Variants in PDZD2 observed in about 807,000 individuals in gnomAD.
PDZD2 encodes the protein PDZ domain containing 2.
Under a neutral mutation model 220.7 loss-of-function variants are expected in PDZD2, and 90 were observed. The observed-to-expected ratio is 0.41, with a 90% CI of 0.34 to 0.49. PDZD2 has a LOEUF of 0.49. Ranked by LOEUF, PDZD2 falls within the 20% of genes least tolerant of loss-of-function variation. The probability of loss-of-function intolerance (pLI) is 0.28; values close to 1 mark genes in which losing one functional copy is unlikely to be tolerated. For missense variants in PDZD2, 3,174 were observed against 3,608.5 expected (o/e 0.88, Z 3.08); for synonymous variants, 1,375 against 1,450.5 (o/e 0.95, Z 1.18).
intron 2 of PDZD2, among the ~76,000 whole-genome samples, chr5:31,949,976 C>T (rs896791782): frequency 6.6e-6 from 1 of 152,080 alleles, no homozygotes; most frequent in African/African-American, 2.4e-5. Context: ...GCCACCATGC[C>T]CGGCTGCCAT....
intron 1 of PDZD2, among the ~76,000 whole-genome samples, chr5:31,765,079 GAAA>G (rs4049928): frequency 2.7e-4 from 40 of 148,912 alleles, no homozygotes; most frequent in South Asian, 1.5e-3. Flanking sequence ...TGCGTCTCAA[GAAA>G]AAAAAAAAAA....
In PDZD2 at chr5:32,089,830, A is replaced by T. The variant is rs1246084335; in HGVS notation, c.6382A>T (p.Ser2128Cys). Residue 2128 changes from serine (S) to cysteine (C), a missense_variant, in exon 20 of 25, where the codon AGT (serine) becomes TGT (cysteine). By Grantham distance (112) the Ser-to-Cys change is moderately radical (BLOSUM62 -1). Transcript: ENST00000438447. ...CLAQGNCQEK[S>C]EIRLYRQVAE... is the part of the protein sequence containing the mutation. ...GGCCCAGGGCAACTGTCAGGAGAAG[A>T]GTGAAATCAGGCTCTATCGCCAGGT... 1.1e-5 allele frequency: 17 copies of T among 1,613,702 alleles called. No homozygotes were observed. The Admixed American group carries it at 1.2e-4, about 11-fold the overall frequency.
rs1347483512 is a variant in PDZD2, at chr5:32,000,528, G to A, written c.1254+257G>A. Reference sequence around the variant, plus strand: ...TTTTGTTTTTGTTTTTGTTTTTTTTGAGACGGAGTTTCACTCTTGTTGCCT... The same window carrying A: ...TTTTGTTTTTGTTTTTGTTTTTTTTAAGACGGAGTTTCACTCTTGTTGCCT... On this transcript the variant is annotated intron_variant, in intron 5 of 24. Coordinates refer to ENST00000438447, the MANE Select transcript of PDZD2 (RefSeq NM_178140.4). This position sits in a 1 kb window ranked among gnomAD's most constrained non-coding sequence, Gnocchi z 4.5. 6.9e-6 allele frequency among the ~76,000 whole-genome samples: 1 copy of A among 145,928 alleles called. No homozygotes were observed. The highest frequency in any genetic ancestry group is 1.5e-5 in the Non-Finnish European group (1 of 67,592).
intron 1 of PDZD2, among the ~76,000 whole-genome samples, chr5:31,669,255 A>T (rs1214964192): frequency 1.3e-5 from 2 of 152,124 alleles, no homozygotes; most frequent in Admixed American, 1.3e-4. Context: ...TTTAAAAATT[A>T]GGCAGGGGTA....
intron 6 of PDZD2, among the ~76,000 whole-genome samples, chr5:32,015,134 G>A (rs1753690189): frequency 6.6e-6 from 1 of 151,646 alleles, no homozygotes; most frequent in Non-Finnish European, 1.5e-5. Flanking sequence ...TAGAGATAGG[G>A]TTTCACCATG....
intron 2 of PDZD2, among the ~76,000 whole-genome samples, chr5:31,975,917 C>T (rs1254430978): frequency 6.6e-6 from 1 of 150,548 alleles, no homozygotes; most frequent in Non-Finnish European, 1.5e-5. Flanking sequence ...GATCTTCCCG[C>T]CTCAGGCTCC....
intron 1 of PDZD2, among the ~76,000 whole-genome samples, chr5:31,655,027 T>A (rs1215190053): frequency 6.6e-6 from 1 of 152,184 alleles, no homozygotes; most frequent in Non-Finnish European, 1.5e-5. Flanking sequence ...TCTTCCTTCA[T>A]GTAGCAGACT....
intron 19 of PDZD2, among the ~76,000 whole-genome samples, chr5:32,081,557 C>T (rs1188399576): frequency 6.6e-6 from 1 of 152,102 alleles, no homozygotes; most frequent in African/African-American, 2.4e-5. Context: ...GAGCTTCTGT[C>T]TCCTTTTGTT....
chr5:31,844,946 G>A (rs1170097749), intron 2 of PDZD2, among the ~76,000 whole-genome samples: 1 of 152,126 alleles, frequency 6.6e-6, no homozygotes, highest in Admixed American at 6.5e-5. Context: ...GTGGGAACAA[G>A]TTTCTTTAAA....
chr5:32,047,141 A>G (rs1280699199), intron 7 of PDZD2, among the ~76,000 whole-genome samples: 1 of 152,248 alleles, frequency 6.6e-6, no homozygotes, highest in Non-Finnish European at 1.5e-5. Context: ...AGACTTGTTC[A>G]GGCACTTTAC....
chr5:31,961,895 C>A (rs112237589), intron 2 of PDZD2, among the ~76,000 whole-genome samples: 15,291 of 150,550 alleles, frequency 0.1, 841 homozygotes, highest in Middle Eastern at 0.13. Flanking sequence ...GGATTACAGG[C>A]AGGAACCACC....
In PDZD2 at chr5:32,072,241, C is replaced by G; in HGVS notation, c.2649C>G (p.Ala883=). Residue 883 remains alanine (A), a synonymous_variant, in exon 17 of 25, where the codon GCC becomes GCG. Transcript: ENST00000438447. ...VPGPLSDFMV[A]GSEDEDHPGS... The stretch of plus-strand genomic sequence containing the variant: ...GCCCCTTGTCAGACTTCATGGTGGC[C>G]GGTTCTGAGGACGAGGATCACCCGG... The G allele has an allele frequency of 3.1e-6, 5 of 1,613,982 alleles. No homozygotes were observed. The highest frequency in any genetic ancestry group is 1.3e-5 in the African/African-American group (1 of 75,046).
chr5:31,804,186 G>A (rs1436764859), intron 2 of PDZD2, among the ~76,000 whole-genome samples: 1 of 152,164 alleles, frequency 6.6e-6, no homozygotes, highest in Non-Finnish European at 1.5e-5. Flanking sequence ...TGAAGCAGCC[G>A]TGTGTGTGCT....
intron 1 of PDZD2, among the ~76,000 whole-genome samples, chr5:31,671,015 C>T (rs1746195516): frequency 6.6e-6 from 1 of 152,046 alleles, no homozygotes; most frequent in Non-Finnish European, 1.5e-5. Flanking sequence ...GGCACGATTC[C>T]TTGGTACCTC....
rs147011328 is a variant in PDZD2 at position 31,758,833 on chromosome 5, A to C, written c.-360-40056A>C. 3.1e-4 allele frequency among the ~76,000 whole-genome samples: 47 copies of C among 152,246 alleles called. No homozygotes were observed. The East Asian group carries it at 5.8e-3, about 19-fold the overall frequency. ...CTACCCATTTCCTCCCAAAGTATGG[A>C]AAGTGTATGGCCTCTGCTTTGAAAG... On this transcript the variant is annotated intron_variant, in intron 1 of 24. Coordinates refer to ENST00000438447, the MANE Select transcript of PDZD2 (RefSeq NM_178140.4).
At chr5:31,994,447 C>T (rs576581947) in intron 3 of PDZD2, among the ~76,000 whole-genome samples, 5 of 152,092 alleles carry the variant, frequency 3.3e-5, no homozygotes, top group African/African-American at 7.2e-5. Context: ...CTCTACCAAA[C>T]GTCTCATTTA....
intron 1 of PDZD2, among the ~76,000 whole-genome samples, chr5:31,694,164 G>A (rs547346235): frequency 6.6e-6 from 1 of 152,272 alleles, no homozygotes; most frequent in East Asian, 1.9e-4. Flanking sequence ...GCCATGGTGG[G>A]CAGATCACTT....
At chr5:31,642,785 T>C (rs935936488) in intron 1 of PDZD2, among the ~76,000 whole-genome samples, 3 of 152,078 alleles carry the variant, frequency 2.0e-5, no homozygotes, top group African/African-American at 7.2e-5. Flanking sequence ...GGTGAGGCCC[T>C]GGAGAGAATG....
chr5:32,033,834 G>A (rs4867414), intron 6 of PDZD2, among the ~76,000 whole-genome samples: 25,388 of 152,040 alleles, frequency 0.17, 2,307 homozygotes, highest in Admixed American at 0.2. Flanking sequence ...GGCCAGGCTG[G>A]TCTTGAACTC....
Sources: allele counts gnomAD v4.1 joint callset (sites outside exome capture counted in the v4.1 genomes callset), GRCh38; gene constraint gnomAD v4.1.1; non-coding constraint Gnocchi (gnomAD v3.1); transcripts MANE v1.5; gene names NCBI Gene and HGNC (gene_info 2026-07-23, HGNC 2026-07-21).